The following UCHL5 variants were observed in gnomAD, a reference collection of about 807,000 sequenced individuals.
The protein encoded by UCHL5 is ubiquitin carboxyl-terminal hydrolase isozyme L5.
UCHL5 carries 34 observed loss-of-function variants against 53.8 expected under a neutral mutation model. The ratio of observed to expected loss-of-function variants is 0.63; its 90% CI spans 0.48 to 0.84. The LOEUF is 0.84. UCHL5 is among the 40% of genes least tolerant of loss of function. UCHL5 has a pLI of 0.00. For synonymous variants in UCHL5, 111 were observed against 126.3 expected, an observed-to-expected ratio of 0.88 and a Z score of 0.81; for missense variants, 290 against 385.6, an observed-to-expected ratio of 0.75 and a Z score of 2.08.
At position 193,032,586 on chromosome 1, in the gene UCHL5, G is replaced by A. The variant is rs4657841; in HGVS notation, c.247-2929C>T. Reference sequence around the variant, plus strand: ...AAAAGAAACTATCATCAGAGTGAACGGGCAACCTACAGAATGGAAGAAAAT... The same window carrying A: ...AAAAGAAACTATCATCAGAGTGAACAGGCAACCTACAGAATGGAAGAAAAT... On this transcript the variant is annotated intron_variant, in intron 3 of 10. Transcript: ENST00000367454. Among the ~76,000 whole-genome samples the A allele has an allele frequency of 2.1e-3, 323 of 152,120 alleles. 2 individuals are homozygous for A. The highest frequency in any genetic ancestry group is 6.6e-3 in the African/African-American group (274 of 41,520).
intron 3 of UCHL5, among the ~76,000 whole-genome samples, chr1:193,048,303 T>A (rs1174033145): frequency 6.6e-6 from 1 of 152,190 alleles, no homozygotes; most frequent in African/African-American, 2.4e-5. Context: ...AAGTGAAAAT[T>A]TAAAAATTAG....
At chr1:193,051,221 G>A (rs1196073819) in intron 2 of UCHL5, among the ~76,000 whole-genome samples, 5 of 152,244 alleles carry the variant, frequency 3.3e-5, no homozygotes, top group African/African-American at 9.6e-5. Context: ...ATGGTAGTCA[G>A]GGGTAAGGAG....
chr1:193,031,534 T>C (rs1441569366), intron 3 of UCHL5, among the ~76,000 whole-genome samples: 1 of 152,166 alleles, frequency 6.6e-6, no homozygotes, highest in Non-Finnish European at 1.5e-5. Flanking sequence ...AGAAGAAAAG[T>C]TACAATGTAC....
intron 6 of UCHL5, among the ~76,000 whole-genome samples, chr1:193,028,712 A>G (rs1660262050): frequency 6.6e-6 from 1 of 152,174 alleles, no homozygotes; most frequent in Admixed American, 6.5e-5. Flanking sequence ...TTTTTGCAGA[A>G]AGGATAACAC....
chr1:193,025,689 G>A (rs1014189826), intron 7 of UCHL5, among the ~76,000 whole-genome samples: 1 of 152,052 alleles, frequency 6.6e-6, no homozygotes, highest in African/African-American at 2.4e-5. Context: ...GTAATGAGGT[G>A]GCACCCACAA....
intron 3 of UCHL5, among the ~76,000 whole-genome samples, chr1:193,043,478 C>A (rs759119685): frequency 6.6e-6 from 1 of 152,182 alleles, no homozygotes; most frequent in African/African-American, 2.4e-5. Flanking sequence ...AAGGTGAAGT[C>A]CCACTTTTAT....
chr1:193,040,621 C>A (rs2102665140), intron 3 of UCHL5, among the ~76,000 whole-genome samples: 2 of 152,218 alleles, frequency 1.3e-5, no homozygotes, highest in East Asian at 3.9e-4. Flanking sequence ...ATTGTATAAT[C>A]CAGCAATCCA....
chr1:193,044,364 T>C (rs1288734102), intron 3 of UCHL5, among the ~76,000 whole-genome samples: 1 of 152,184 alleles, frequency 6.6e-6, no homozygotes, highest in Non-Finnish European at 1.5e-5. Context: ...CCAGTACCAC[T>C]GCAGCATGAT....
At chr1:193,040,387 T>TA (rs1558106881) in intron 3 of UCHL5, among the ~76,000 whole-genome samples, 4 of 152,132 alleles carry the variant, frequency 2.6e-5, no homozygotes, top group East Asian at 3.9e-4. Context: ...AACAGGTATA[T>TA]AAAAAAATAC....
intron 1 of UCHL5, among the ~76,000 whole-genome samples, chr1:193,056,069 CAG>C (rs1202129169): frequency 2.6e-5 from 4 of 152,148 alleles, no homozygotes; most frequent in African/African-American, 9.7e-5. Context: ...TTAATAAACA[CAG>C]GGCATATACT....
At chr1:193,056,153 T>C (rs1419512696) in intron 1 of UCHL5, among the ~76,000 whole-genome samples, 1 of 152,168 alleles carries the variant, frequency 6.6e-6, no homozygotes, top group Non-Finnish European at 1.5e-5. Context: ...ATCTAAATTG[T>C]CAAATTTATT....
At chr1:193,019,385 A>C (rs1246588016) in intron 10 of UCHL5, among the ~76,000 whole-genome samples, 5 of 151,716 alleles carry the variant, frequency 3.3e-5, no homozygotes, top group Non-Finnish European at 7.4e-5. Context: ...AGCTAGATAA[A>C]TGTTTGATGA....
chr1:193,035,834 A>G (rs547301009), intron 3 of UCHL5, among the ~76,000 whole-genome samples: 1 of 152,238 alleles, frequency 6.6e-6, no homozygotes, highest in South Asian at 2.1e-4. Context: ...GACAAAACAC[A>G]AAGTCAAAAT....
chr1:193,023,185 G>A, intron 8 of UCHL5, 149 bp from the exon 9 acceptor site: 1 of 590,790 alleles, frequency 1.7e-6, no homozygotes, highest in Non-Finnish European at 3.0e-6. Flanking sequence ...AGCATTAAAG[G>A]ATAAAAGCCC....
At chr1:193,038,384 G>A (rs1571730258) in intron 3 of UCHL5, among the ~76,000 whole-genome samples, 1 of 150,754 alleles carries the variant, frequency 6.6e-6, no homozygotes, top group Non-Finnish European at 1.5e-5. Context: ...TGAACCGGGA[G>A]GCGGAGCTTG....
At chr1:193,030,526 A>T (rs1336306183) in intron 3 of UCHL5, among the ~76,000 whole-genome samples, 1 of 152,178 alleles carries the variant, frequency 6.6e-6, no homozygotes, top group Non-Finnish European at 1.5e-5. Context: ...TTTCTTCCAC[A>T]CTGCCTAAGC....
chr1:193,023,959 TA>T lies in UCHL5; in HGVS notation c.630-14del, dbSNP rs1558018203. ...ACCTTCACTGTACCTAGAAGAAAATTATTTAAGTTTATAATGTAATAAAGAA... is the reference window on the plus strand; with the variant it reads ...ACCTTCACTGTACCTAGAAGAAAATTTTTAAGTTTATAATGTAATAAAGAA... On this transcript the variant is annotated splice_polypyrimidine_tract_variant and intron_variant, in intron 7 of 10. Coordinates refer to ENST00000367454, the MANE Select transcript of UCHL5 (RefSeq NM_001199261.3). 1 of 1,521,540 alleles carries T rather than the reference TA, an allele frequency of 6.6e-7. No individual in the cohort carries two copies. Among genetic ancestry groups the T allele is most frequent in the Admixed American group, 1.8e-5 (1 of 56,068 alleles). The allele number at this position is 1,521,540 out of a possible 1,614,324, so 94.3% of individuals were successfully genotyped here.
chr1:193,056,158 T>G (rs1670567150), intron 1 of UCHL5, among the ~76,000 whole-genome samples: 3 of 152,156 alleles, frequency 2.0e-5, no homozygotes, highest in Admixed American at 2.0e-4. Context: ...AATTGTCAAA[T>G]TTATTGGCAT....
chr1:193,037,890 T>A (rs1162796999), intron 3 of UCHL5, among the ~76,000 whole-genome samples: 28 of 118,828 alleles, frequency 2.4e-4, no homozygotes, highest in South Asian at 8.5e-4. Flanking sequence ...CTTAAAGTAT[T>A]AAAAAAAAAA....
Sources: allele counts gnomAD v4.1 joint callset (sites outside exome capture counted in the v4.1 genomes callset), GRCh38; gene constraint gnomAD v4.1.1; transcripts MANE v1.5; gene names NCBI Gene and HGNC (gene_info 2026-07-23, HGNC 2026-07-21).